Variants in FREM2 observed in about 807,000 individuals in gnomAD.
FREM2 encodes FRAS1 related extracellular matrix 2, also known as FRAS1-related extracellular matrix protein 2.
In FREM2, 119 loss-of-function variants were observed where a neutral mutation model predicts 219.9. The ratio of observed to expected loss-of-function variants is 0.54; its 90% CI spans 0.47 to 0.63. The LOEUF is 0.63. Among genes scored for constraint, FREM2 ranks in the 30% least tolerant of loss-of-function variants. FREM2 has a pLI of 0.00. For synonymous variants in FREM2, 1,562 were observed against 1,522.8 expected (o/e 1.03, Z -0.60); for missense variants, 4,030 against 3,993.6 (o/e 1.01, Z -0.25).
Position 38,776,225 on chromosome 13 carries a change from C to T in FREM2, c.5641+6417C>T, listed in dbSNP as rs147897865. Among the ~76,000 whole-genome samples, 336 of 152,278 alleles carry T rather than the reference C, an allele frequency of 2.2e-3. 2 individuals carry two copies. The highest frequency in any genetic ancestry group is 7.7e-3 in the African/African-American group (321 of 41,568). ...AGGGCACCATAGTGGCCTGAAAATG[C>T]ACTGGAATCTGGAATGTCTTCTGAG... On this transcript the variant is annotated intron_variant, in intron 4 of 23. Coordinates refer to ENST00000280481, the MANE Select transcript of FREM2 (RefSeq NM_207361.6).
chr13:38,721,748 T>TTTGG (rs1871274261), intron 2 of FREM2, among the ~76,000 whole-genome samples: 1 of 152,202 alleles, frequency 6.6e-6, no homozygotes, highest in South Asian at 2.1e-4. Flanking sequence ...GGTAAGTCAA[T>TTTGG]TAAGTAATAT....
At chr13:38,824,705 C>T (rs1473014449) in intron 6 of FREM2, among the ~76,000 whole-genome samples, 1 of 151,794 alleles carries the variant, frequency 6.6e-6, no homozygotes, top group Non-Finnish European at 1.5e-5. Context: ...CTAGGTGGAG[C>T]CATGCTGTTA....
At position 38,851,803 on chromosome 13, in the gene FREM2, T is replaced by C. The variant is rs200983871; in HGVS notation, c.6860T>C (p.Ile2287Thr). The C allele has an allele frequency of 7.9e-5, 128 of 1,613,854 alleles. No homozygotes were observed. In the African/African-American group the frequency reaches 8.0e-4, roughly 10 times the overall value. ...CAAGGAGACACTTCAAAGGTTTCCA[T>C]TGTGAGAGTCCACACCAAGGATGGC... is the stretch of plus-strand genomic sequence containing the variant. Reference protein sequence around the residue: ...IRQGDTSKVSIVRVHTKDGSA... With the variant: ...IRQGDTSKVSTVRVHTKDGSA... Residue 2287 changes from isoleucine to threonine, a missense_variant, in exon 11 of 24, where the codon ATT (isoleucine) becomes ACT (threonine). Ile to Thr is a moderately conservative substitution (Grantham distance 89, BLOSUM62 -1). Transcript: ENST00000280481.
Position 38,880,734 on chromosome 13 carries a change from A to G in FREM2, c.9457A>G (p.Ser3153Gly), listed in dbSNP as rs1878516747. The G allele has an allele frequency of 1.9e-6, 3 of 1,614,108 alleles. No homozygotes were observed. Among genetic ancestry groups the G allele is most frequent in the Non-Finnish European group, 2.5e-6 (3 of 1,180,060 alleles). The change falls in exon 24 of 24, where the codon AGT becomes GGT. Residue 3153 changes from serine (S) to glycine (G), a missense_variant. Transcript: ENST00000280481. ...GKDAPKGSSS[S>G]EPMVPPQSHH... The stretch of plus-strand genomic sequence containing the variant: ...GGATGCCCCGAAAGGCTCCAGCAGC[A>G]GTGAGCCCATGGTGCCCCCACAGAG...
In FREM2 at chr13:38,688,030, G is replaced by T. The variant is rs1268329107; in HGVS notation, c.686G>T (p.Arg229Leu). 9.3e-6 allele frequency: 15 copies of T among 1,610,142 alleles called. No individual in the cohort carries two copies. The highest frequency in any genetic ancestry group is 1.3e-5 in the Non-Finnish European group (15 of 1,177,170). The change falls in exon 1 of 24, where the codon CGC (arginine) becomes CTC (leucine). Residue 229 changes from arginine to leucine, a missense_variant. Transcript: ENST00000280481. ...CTGTCCGGCTTGGGCGCGCTGCCTCGCTATGGAGAACTCCTCCACTACCCG... is the reference window on the plus strand; with the variant it reads ...CTGTCCGGCTTGGGCGCGCTGCCTCTCTATGGAGAACTCCTCCACTACCCG... ...GILSGLGALPRYGELLHYPQV... is the reference protein window; with the variant it reads ...GILSGLGALPLYGELLHYPQV...
At chr13:38,747,927 T>C (rs551456366) in intron 2 of FREM2, among the ~76,000 whole-genome samples, 1 of 152,306 alleles carries the variant, frequency 6.6e-6, no homozygotes, top group East Asian at 1.9e-4. Context: ...AGCATTCTTC[T>C]TAGTAAGCCT....
intron 11 of FREM2, among the ~76,000 whole-genome samples, chr13:38,854,805 T>C (rs2137915376): frequency 6.6e-6 from 1 of 152,306 alleles, no homozygotes; most frequent in African/African-American, 2.4e-5. Flanking sequence ...TCGTACCTGA[T>C]AATTTAAAAA....
intron 4 of FREM2, chr13:38,779,605 T>C (rs1206928849): frequency 6.6e-6 from 1 of 152,122 alleles, no homozygotes; most frequent in Non-Finnish European, 1.5e-5. Flanking sequence ...AGCAAAGACA[T>C]TTCTCTCCAT....
intron 12 of FREM2, 86 bp from the exon 13 acceptor site, chr13:38,857,789 C>A: frequency 8.3e-7 from 1 of 1,198,758 alleles, no homozygotes; most frequent in Middle Eastern, 1.9e-4. Flanking sequence ...ATGGGGTTGC[C>A]AGGGATCGTG....
At position 38,786,623 on chromosome 13, in the gene FREM2, A is replaced by G. The variant is rs530029601; in HGVS notation, c.6019+1815A>G. Among the ~76,000 whole-genome samples the G allele has an allele frequency of 1.4e-4, 21 of 152,342 alleles. 1 individual carries two copies. The highest frequency in any genetic ancestry group is 1.0e-3 in the Admixed American group (16 of 15,286). Reference sequence around the variant, plus strand: ...TCAATTGTTACAGGTAGAAAGAAGTAGGTTTAATTTAAAAAAAGAAAATGT... The same window carrying G: ...TCAATTGTTACAGGTAGAAAGAAGTGGGTTTAATTTAAAAAAAGAAAATGT... On this transcript the variant is annotated intron_variant, in intron 6 of 23. Transcript: ENST00000280481.
At chr13:38,713,527 A>G (rs1870865072) in intron 2 of FREM2, among the ~76,000 whole-genome samples, 1 of 152,170 alleles carries the variant, frequency 6.6e-6, no homozygotes, top group Non-Finnish European at 1.5e-5. Flanking sequence ...ATTGTGTTAT[A>G]TGTTTATTAA....
chr13:38,743,046 A>G (rs190242684), intron 2 of FREM2, among the ~76,000 whole-genome samples: 9 of 152,276 alleles, frequency 5.9e-5, no homozygotes, highest in Non-Finnish European at 1.2e-4. Context: ...AAGAATGAGC[A>G]TGTAAGAAAA....
At chr13:38,858,222 GGTTCATTAACTGATGT>G (rs1264720621) in intron 13 of FREM2, among the ~76,000 whole-genome samples, 189 bp downstream of exon 13, 1 of 152,068 alleles carries the variant, frequency 6.6e-6, no homozygotes. Context: ...ACCGAACAAA[GGTTCATTAACTGATGT>G]GTACATAGTG....
chr13:38,830,670 G>A (rs565957041), intron 6 of FREM2, among the ~76,000 whole-genome samples: 16 of 152,148 alleles, frequency 1.1e-4, no homozygotes, highest in Non-Finnish European at 2.1e-4. Flanking sequence ...CTATACTACA[G>A]CCACACAACT....
At chr13:38,709,235 T>A (rs1343757113) in intron 2 of FREM2, among the ~76,000 whole-genome samples, 1 of 152,184 alleles carries the variant, frequency 6.6e-6, no homozygotes, top group Non-Finnish European at 1.5e-5. Flanking sequence ...TGCATGAGAT[T>A]CAGTAGAGAT....
intron 15 of FREM2, among the ~76,000 whole-genome samples, chr13:38,862,456 G>C: frequency 6.6e-6 from 1 of 152,196 alleles, no homozygotes; most frequent in East Asian, 1.9e-4. Context: ...GGGAAACACA[G>C]ACCTATAAGA....
At chr13:38,863,716 A>G (rs778681991) in intron 15 of FREM2, among the ~76,000 whole-genome samples, 2 of 152,258 alleles carry the variant, frequency 1.3e-5, no homozygotes, top group Non-Finnish European at 2.9e-5. Context: ...TATGGGTGGC[A>G]AAGTCAAATA....
At chr13:38,773,496 A>G (rs1391639377) in intron 4 of FREM2, among the ~76,000 whole-genome samples, 1 of 152,092 alleles carries the variant, frequency 6.6e-6, no homozygotes, top group Non-Finnish European at 1.5e-5. Flanking sequence ...GCTAAAGCAA[A>G]GCTCCCACCT....
At chr13:38,788,831 GA>G (rs1056895252) in intron 6 of FREM2, among the ~76,000 whole-genome samples, 2 of 152,010 alleles carry the variant, frequency 1.3e-5, no homozygotes, top group African/African-American at 4.8e-5. Flanking sequence ...ATCAGGTTAA[GA>G]AAACATTTAG....
Sources: allele counts gnomAD v4.1 joint callset (sites outside exome capture counted in the v4.1 genomes callset), GRCh38; gene constraint gnomAD v4.1.1; transcripts MANE v1.5; gene names NCBI Gene and HGNC (gene_info 2026-07-23, HGNC 2026-07-21).